Variants in LRMDA observed in about 807,000 individuals in gnomAD.
LRMDA encodes the protein leucine rich melanocyte differentiation associated.
LRMDA carries 18 observed loss-of-function variants against 29.8 expected under a neutral mutation model. The ratio of observed to expected loss-of-function variants is 0.60; its 90% CI spans 0.42 to 0.90. LRMDA has a LOEUF of 0.90. Among genes scored for constraint, LRMDA ranks in the 40% least tolerant of loss-of-function variants. The pLI, the probability that LRMDA is intolerant of heterozygous loss-of-function variation, is 0.00. For synonymous variants in LRMDA, 125 were observed against 109.4 expected (o/e 1.14, Z -0.89); for missense variants, 273 against 273.9 (o/e 1.00, Z 0.02).
chr10:75,608,970 A>G (rs1320309386), intron 2 of LRMDA, among the ~76,000 whole-genome samples: 1 of 152,168 alleles, frequency 6.6e-6, no homozygotes, highest in Non-Finnish European at 1.5e-5. Context: ...GTGACCCTTC[A>G]CTATACTCAC....
chr10:76,138,813 T>C (rs977368388), intron 5 of LRMDA, among the ~76,000 whole-genome samples: 1 of 152,216 alleles, frequency 6.6e-6, no homozygotes. Context: ...GGCTTTTATA[T>C]GGTTTATGCA....
At chr10:75,567,008 C>G (rs1410952809) in intron 2 of LRMDA, among the ~76,000 whole-genome samples, 1 of 152,216 alleles carries the variant, frequency 6.6e-6, no homozygotes, top group Non-Finnish European at 1.5e-5. Context: ...ATACCTTCAT[C>G]ATTGGCTTAT....
chr10:76,298,172 A>G (rs529383221), intron 5 of LRMDA, among the ~76,000 whole-genome samples: 1 of 152,324 alleles, frequency 6.6e-6, no homozygotes, highest in Admixed American at 6.5e-5. Flanking sequence ...AGGCTCAGTC[A>G]AGTAGAACTG....
Position 75,451,983 on chromosome 10 carries a change from A to T in LRMDA, c.131+13489A>T, listed in dbSNP as rs113410264. Among the ~76,000 whole-genome samples, 868 of 152,016 alleles carry T rather than the reference A, an allele frequency of 5.7e-3. 12 individuals carry two copies. The highest frequency in any genetic ancestry group is 0.021 in the Middle Eastern group (6 of 292). On this transcript the variant is annotated intron_variant, in intron 2 of 6. Transcript: ENST00000611255. ...TAGTACATTTGGGGGTTATATGTGC[A>T]TGCTAATTTGCTCAATTCTGTGCCG... is the stretch of plus-strand genomic sequence containing the variant.
chr10:76,008,111 C>T (rs911690562), intron 2 of LRMDA, among the ~76,000 whole-genome samples: 3 of 147,126 alleles, frequency 2.0e-5, no homozygotes, highest in African/African-American at 5.0e-5. Flanking sequence ...GCAGGGAGGG[C>T]GGGGGCCGGG....
At chr10:76,148,469 G>T (rs182169637) in intron 5 of LRMDA, among the ~76,000 whole-genome samples, 1 of 152,158 alleles carries the variant, frequency 6.6e-6, no homozygotes, top group East Asian at 1.9e-4. Context: ...GCGACACACG[G>T]TGGGCATAGG....
intron 2 of LRMDA, among the ~76,000 whole-genome samples, chr10:75,572,597 T>C (rs1840451391): frequency 6.6e-6 from 1 of 152,230 alleles, no homozygotes. Context: ...ATTATTTAGA[T>C]GTAGGAATTT....
At chr10:76,458,547 G>A (rs1324738840) in intron 6 of LRMDA, among the ~76,000 whole-genome samples, 2 of 152,194 alleles carry the variant, frequency 1.3e-5, no homozygotes, top group Non-Finnish European at 2.9e-5. Context: ...ACCTGAGGGT[G>A]AATGGGATAT....
At chr10:75,724,482 G>T (rs1842607191) in intron 2 of LRMDA, among the ~76,000 whole-genome samples, 3 of 152,042 alleles carry the variant, frequency 2.0e-5, no homozygotes, top group Admixed American at 2.0e-4. Context: ...CTGAGGTATG[G>T]GAAGAGACAT....
intron 5 of LRMDA, among the ~76,000 whole-genome samples, chr10:76,129,165 T>C (rs1187715115): frequency 6.6e-6 from 1 of 152,150 alleles, no homozygotes; most frequent in African/African-American, 2.4e-5. Flanking sequence ...GCCAGGGCCA[T>C]CCAATTGACA....
At chr10:75,674,037 A>G (rs1435058722) in intron 2 of LRMDA, among the ~76,000 whole-genome samples, 2 of 152,248 alleles carry the variant, frequency 1.3e-5, no homozygotes, top group Non-Finnish European at 2.9e-5. Flanking sequence ...TTGTCTAAAC[A>G]TCTCAACTGG....
chr10:75,946,679 G>C (rs543175389), intron 2 of LRMDA, among the ~76,000 whole-genome samples: 2 of 152,256 alleles, frequency 1.3e-5, no homozygotes, highest in East Asian at 3.9e-4. Context: ...TGGGATTCCA[G>C]ATCTGGTCCT....
chr10:75,833,956 A>G (rs1457772162), intron 2 of LRMDA, among the ~76,000 whole-genome samples: 1 of 152,128 alleles, frequency 6.6e-6, no homozygotes, highest in Admixed American at 6.5e-5. Flanking sequence ...GTGTGGCTTG[A>G]GGACCTGCGC....
At chr10:75,970,435 A>T (rs974301417) in intron 2 of LRMDA, among the ~76,000 whole-genome samples, 1 of 152,202 alleles carries the variant, frequency 6.6e-6, no homozygotes, top group Non-Finnish European at 1.5e-5. Context: ...TTGTATCTGC[A>T]TTCTGCAAAG....
At chr10:76,035,682 G>C (rs556332035) in intron 2 of LRMDA, among the ~76,000 whole-genome samples, 50 of 152,308 alleles carry the variant, frequency 3.3e-4, no homozygotes, top group Admixed American at 3.0e-3. Flanking sequence ...AGCCGAGGCT[G>C]GGTGCCTGAA....
chr10:75,578,224 A>AAAAAAAAAAAC (rs1840534791), intron 2 of LRMDA, among the ~76,000 whole-genome samples: 1 of 140,034 alleles, frequency 7.1e-6, no homozygotes, highest in Non-Finnish European at 1.6e-5. Context: ...GCAAAAAAAA[A>AAAAAAAAAAAC]AAAAAAAAAA....
intron 6 of LRMDA, among the ~76,000 whole-genome samples, chr10:76,347,326 T>C (rs138541660): frequency 1.8e-4 from 27 of 152,332 alleles, no homozygotes; most frequent in South Asian, 1.2e-3. Context: ...CGAAAGGTCT[T>C]ATCTCTGTAG....
chr10:75,502,949 A>G lies in LRMDA; in HGVS notation c.131+64455A>G, dbSNP rs561862399. Among the ~76,000 whole-genome samples, 22 of 152,204 alleles carry G rather than the reference A, an allele frequency of 1.4e-4. No homozygotes were observed. In the South Asian group the frequency reaches 1.7e-3, roughly 11 times the overall value. ...CCTGTGTGGCCTGAAAACCCCCTGCACAGCCCACACCACCCTGTGACCCAC... is the reference window on the plus strand; with the variant it reads ...CCTGTGTGGCCTGAAAACCCCCTGCGCAGCCCACACCACCCTGTGACCCAC... On this transcript the variant is annotated intron_variant, in intron 2 of 6. Transcript: ENST00000611255.
At chr10:76,153,473 T>C (rs995545270) in intron 5 of LRMDA, among the ~76,000 whole-genome samples, 4 of 152,186 alleles carry the variant, frequency 2.6e-5, no homozygotes, top group Non-Finnish European at 5.9e-5. Flanking sequence ...GGTCTTTTAT[T>C]AAGTTTGGAT....
Sources: allele counts gnomAD v4.1 joint callset (sites outside exome capture counted in the v4.1 genomes callset), GRCh38; gene constraint gnomAD v4.1.1; transcripts MANE v1.5; gene names NCBI Gene and HGNC (gene_info 2026-07-23, HGNC 2026-07-21).